The following CCDC175 variants were observed in gnomAD, a reference collection of about 807,000 sequenced individuals.
The protein encoded by CCDC175 is coiled-coil domain-containing protein 175.
In CCDC175, 100 loss-of-function variants were observed where a neutral mutation model predicts 114.6. The observed-to-expected ratio is 0.87, with a 90% CI of 0.74 to 1.03. CCDC175 has a LOEUF of 1.03. Among genes scored for constraint, CCDC175 ranks in the 50% least tolerant of loss-of-function variants. The pLI, the probability that CCDC175 is intolerant of heterozygous loss-of-function variation, is 0.00. For missense variants in CCDC175, 880 were observed against 917.8 expected, an observed-to-expected ratio of 0.96 and a Z score of 0.53; for synonymous variants, 306 against 308.7, an observed-to-expected ratio of 0.99 and a Z score of 0.09.
At chr14:59,514,876 A>C (rs1288531904) in intron 17 of CCDC175, among the ~76,000 whole-genome samples, 1 of 152,208 alleles carries the variant, frequency 6.6e-6, no homozygotes, top group Non-Finnish European at 1.5e-5. Context: ...AGATTCACCA[A>C]AGTTGAAATG....
chr14:59,535,682 C>CAGATT (rs1894350048), intron 13 of CCDC175, among the ~76,000 whole-genome samples: 1 of 152,188 alleles, frequency 6.6e-6, no homozygotes, highest in South Asian at 2.1e-4. Flanking sequence ...AGGAAAAACT[C>CAGATT]AGATTATTTC....
intron 7 of CCDC175, 66 bp from the exon 8 acceptor site, chr14:59,551,502 C>A (rs908382822): frequency 4.0e-6 from 3 of 753,904 alleles, no homozygotes; most frequent in African/African-American, 1.8e-5. Flanking sequence ...GGCAAGGTGG[C>A]CAAATAGGAA....
At position 59,549,171 on chromosome 14, in the gene CCDC175, A is replaced by G. The variant is rs116483061; in HGVS notation, c.1035+2184T>C. On this transcript the variant is annotated intron_variant, in intron 8 of 19. Coordinates refer to ENST00000537690, the MANE Select transcript of CCDC175 (RefSeq NM_001164399.2). ...TGGTTGACTTGGGCAAAACAAAGAT[A>G]GAGGATGTAGACAGAGAGTACCTGA... 9.7e-3 allele frequency among the ~76,000 whole-genome samples: 1,479 copies of G among 152,336 alleles called. 30 individuals carry two copies. Among genetic ancestry groups the G allele is most frequent in the African/African-American group, 0.034 (1,399 of 41,582 alleles).
intron 17 of CCDC175, among the ~76,000 whole-genome samples, chr14:59,518,760 T>C (rs78689181): frequency 0.45 from 68,512 of 151,568 alleles, 16,453 homozygotes; most frequent in African/African-American, 0.61. Context: ...GTCAGTGTGG[T>C]GATTCCTCAG....
chr14:59,511,535 T>G lies in CCDC175; in HGVS notation c.2142+225A>C, dbSNP rs7152501. ...AGTTTCCCAAAGAATTAAGATTTCA[T>G]AGTGATATTTGGTAAAAAAAAAAAA... On this transcript the variant is annotated intron_variant, in intron 18 of 19. Transcript: ENST00000537690. Among the ~76,000 whole-genome samples the G allele has an allele frequency of 7.8e-3, 1,054 of 135,516 alleles. 16 individuals are homozygous for G. Among genetic ancestry groups the G allele is most frequent in the African/African-American group, 0.028 (997 of 35,952 alleles). The allele number at this position is 135,516 out of a possible 152,430, so 88.9% of individuals were successfully genotyped here.
At chr14:59,533,776 C>A (rs1267979404) in intron 13 of CCDC175, among the ~76,000 whole-genome samples, 10 of 152,026 alleles carry the variant, frequency 6.6e-5, no homozygotes, top group Non-Finnish European at 1.5e-4. Context: ...ATCACAAGGT[C>A]AGGAGATCGA....
At chr14:59,567,643 G>C (rs1037136474) in intron 4 of CCDC175, among the ~76,000 whole-genome samples, 1 of 152,158 alleles carries the variant, frequency 6.6e-6, no homozygotes, top group Non-Finnish European at 1.5e-5. Flanking sequence ...CCATTTCACA[G>C]ATGGAGAAAA....
intron 15 of CCDC175, among the ~76,000 whole-genome samples, chr14:59,525,693 G>A (rs1247116483): frequency 6.6e-6 from 1 of 152,112 alleles, no homozygotes; most frequent in Non-Finnish European, 1.5e-5. Context: ...TCAGCCCTCT[G>A]TATCCGTGGG....
intron 18 of CCDC175, 95 bp downstream of exon 18, chr14:59,511,665 C>T (rs942162584): frequency 1.4e-5 from 14 of 995,774 alleles, no homozygotes; most frequent in Non-Finnish European, 1.8e-5. Context: ...CATGCAGGTG[C>T]ACACAGACAC....
At chr14:59,517,230 A>T (rs1383279617) in intron 17 of CCDC175, among the ~76,000 whole-genome samples, 1 of 152,148 alleles carries the variant, frequency 6.6e-6, no homozygotes, top group East Asian at 1.9e-4. Context: ...ATGGGCAAAA[A>T]CTGGAAGCAT....
At chr14:59,532,216 A>G (rs770241828) in intron 13 of CCDC175, among the ~76,000 whole-genome samples, 4 of 152,246 alleles carry the variant, frequency 2.6e-5, no homozygotes, top group Non-Finnish European at 5.9e-5. Context: ...CCAAAAACAT[A>G]TCTGAGAAAA....
chr14:59,529,839 G>C (rs1465777643), intron 14 of CCDC175, among the ~76,000 whole-genome samples: 2 of 152,136 alleles, frequency 1.3e-5, no homozygotes, highest in African/African-American at 4.8e-5. Context: ...TGGAGCCCAT[G>C]CATGCCATTC....
chr14:59,557,034 C>T (rs35899978), intron 7 of CCDC175, among the ~76,000 whole-genome samples: 25,579 of 152,124 alleles, frequency 0.17, 2,566 homozygotes, highest in East Asian at 0.42. Context: ...TAAACTAGTT[C>T]AACGATTGTG....
intron 19 of CCDC175, among the ~76,000 whole-genome samples, chr14:59,506,317 C>T (rs552539287): frequency 7.0e-5 from 10 of 141,928 alleles, no homozygotes; most frequent in East Asian, 4.2e-4. Flanking sequence ...GACAGTGTCT[C>T]GCTCTGTCAC....
intron 15 of CCDC175, among the ~76,000 whole-genome samples, chr14:59,526,514 C>A (rs1341651156): frequency 1.3e-5 from 2 of 151,252 alleles, no homozygotes; most frequent in Non-Finnish European, 2.9e-5. Flanking sequence ...CGAGATTGTG[C>A]CACTGCACTC....
At chr14:59,529,759 A>G (rs1893954260) in intron 14 of CCDC175, among the ~76,000 whole-genome samples, 1 of 151,898 alleles carries the variant, frequency 6.6e-6, no homozygotes, top group African/African-American at 2.4e-5. Context: ...CATATTTGGG[A>G]GTTTTATGAG....
At chr14:59,563,655 T>G in intron 6 of CCDC175, 82 bp downstream of exon 6, 1 of 847,676 alleles carries the variant, frequency 1.2e-6, no homozygotes, top group Non-Finnish European at 1.6e-6. Context: ...CAGCATGACA[T>G]GAAGATGAAT....
At chr14:59,571,417 A>G (rs1222858886) in intron 3 of CCDC175, among the ~76,000 whole-genome samples, 4 of 152,220 alleles carry the variant, frequency 2.6e-5, no homozygotes, top group African/African-American at 9.7e-5. Context: ...ACTCAACAAC[A>G]ACAAAAAAGA....
rs1487729051 is a variant in CCDC175, at chr14:59,568,900, C to A, written c.356-520G>T. ...TAGCAGCAGCCAACATCATAATCCA[C>A]CCCATATTTGCTCTCCCTTGACCTT... On this transcript the variant is annotated intron_variant, in intron 3 of 19. Transcript: ENST00000537690. Among the ~76,000 whole-genome samples the A allele has an allele frequency of 2.6e-5, 4 of 152,324 alleles. No homozygotes were observed. In the East Asian group the frequency reaches 7.7e-4, roughly 29 times the overall value.
Sources: allele counts gnomAD v4.1 joint callset (sites outside exome capture counted in the v4.1 genomes callset), GRCh38; gene constraint gnomAD v4.1.1; transcripts MANE v1.5; gene names NCBI Gene and HGNC (gene_info 2026-07-23, HGNC 2026-07-21).